The following ARAP2 variants were observed in gnomAD, a reference collection of about 807,000 sequenced individuals.
ARAP2 encodes arf-GAP with Rho-GAP domain, ANK repeat and PH domain-containing protein 2.
In ARAP2, 148 loss-of-function variants were observed where a neutral mutation model predicts 194.5. That is an observed-to-expected ratio of 0.76 (90% CI 0.67 to 0.87). The LOEUF (loss-of-function observed/expected upper bound fraction) is 0.87, where lower values mean the gene tolerates loss of function less well. Among genes scored for constraint, ARAP2 ranks in the 40% least tolerant of loss-of-function variants. ARAP2 has a pLI of 0.00. For synonymous variants in ARAP2, 695 were observed against 683.5 expected (o/e 1.02, Z -0.26); for missense variants, 2,128 against 1,989.7 (o/e 1.07, Z -1.32).
At chr4:36,032,735 T>C (rs888432923) in intron 5 of ARAP2, among the ~76,000 whole-genome samples, 6 of 152,158 alleles carry the variant, frequency 3.9e-5, no homozygotes, top group African/African-American at 1.4e-4. Context: ...GGTAAACTCC[T>C]GACACAAGGG....
rs1384155506 is a variant in ARAP2, at chr4:36,128,475, T to TACACAC, written c.3640+57_3640+58insGTGTGT. On this transcript the variant is annotated intron_variant, in intron 21 of 32. Coordinates refer to ENST00000303965, the MANE Select transcript of ARAP2 (RefSeq NM_015230.4). ...GGCAAGCATGTATTATGGTCTATAT[T>TACACAC]ATACACACACACACACACACACACA... 60 of 256,392 alleles carry TACACAC rather than the reference T, an allele frequency of 2.3e-4. No homozygotes were observed. In the Admixed American group the frequency reaches 4.1e-3, roughly 18 times the overall value. The allele number at this position is 256,392 out of a possible 1,614,324, so 15.9% of individuals were successfully genotyped here.
chr4:36,020,689 C>A (rs1716774692), intron 5 of ARAP2, among the ~76,000 whole-genome samples: 1 of 152,162 alleles, frequency 6.6e-6, no homozygotes, highest in South Asian at 2.1e-4. Flanking sequence ...ACTGAAACCA[C>A]AGAAAGTGAA....
rs749286375 is a variant in ARAP2 at position 36,068,116 on chromosome 4, G to C, written c.4906C>G (p.Leu1636Val). The C allele has an allele frequency of 2.5e-6, 4 of 1,614,088 alleles. No individual in the cohort carries two copies. The South Asian group carries it at 3.3e-5, about 13-fold the overall frequency. The change falls in exon 33 of 33, where the codon CTG becomes GTG. Residue 1636 changes from leucine (L) to valine (V), a missense_variant. Physicochemically the swap from Leu to Val is conservative, Grantham distance 32. Coordinates refer to ENST00000303965, the MANE Select transcript of ARAP2 (RefSeq NM_015230.4). ...RPRKHRSFNC[L>V]EDTEPEAPLG... The stretch of plus-strand genomic sequence containing the variant: ...GGGGCTTCAGGCTCTGTGTCCTCCA[G>C]GCAGTTGAAACTCCGATGTTTTCGG...
At chr4:36,053,323 A>T (rs181169989) in intron 2 of ARAP2, among the ~76,000 whole-genome samples, 491 of 149,324 alleles carry the variant, frequency 3.3e-3, no homozygotes, top group Admixed American at 7.1e-3. Context: ...GTTTTTTATA[A>T]AAAAAAAAAA....
chr4:36,068,200 T>C lies in ARAP2; in HGVS notation c.4822A>G (p.Arg1608Gly), dbSNP rs755940564. 3.1e-6 allele frequency: 5 copies of C among 1,613,642 alleles called. No individual in the cohort carries two copies. The East Asian group carries it at 6.7e-5, about 22-fold the overall frequency. ...KESVDSSLKE[R>G]ASMVAHCLEH... is the part of the protein sequence containing the mutation. ...AGGCAGTGGGCCACCATGGAAGCTCTCTCCTTTAAGCTAGAGTCCACGGAC... is the reference window on the plus strand; with the variant it reads ...AGGCAGTGGGCCACCATGGAAGCTCCCTCCTTTAAGCTAGAGTCCACGGAC... The change falls in exon 33 of 33, where the codon AGA becomes GGA. Residue 1608 changes from arginine to glycine, a missense_variant. Coordinates refer to ENST00000303965, the MANE Select transcript of ARAP2 (RefSeq NM_015230.4).
intron 11 of ARAP2, among the ~76,000 whole-genome samples, chr4:36,163,809 C>T (rs1391178997): frequency 6.6e-6 from 1 of 152,184 alleles, no homozygotes. Flanking sequence ...AAGGCCGTCT[C>T]TTCCAATGAA....
chr4:36,196,153 G>A (rs1021177695), intron 6 of ARAP2, among the ~76,000 whole-genome samples: 1 of 152,118 alleles, frequency 6.6e-6, no homozygotes, highest in Admixed American at 6.5e-5. Context: ...AGTATAAAAG[G>A]TTTACAACCT....
chr4:36,222,725 T>TA (rs1296228384), intron 2 of ARAP2, among the ~76,000 whole-genome samples: 1 of 136,458 alleles, frequency 7.3e-6, no homozygotes, highest in African/African-American at 3.5e-5. Context: ...TATGGCAAGA[T>TA]TTTTTTTTTA....
intron 7 of ARAP2, among the ~76,000 whole-genome samples, chr4:36,190,960 T>C (rs537807217): frequency 4.0e-4 from 61 of 152,182 alleles, no homozygotes; most frequent in Non-Finnish European, 7.9e-4. Context: ...GACCAATAAG[T>C]GCTCTAGAAA....
At position 36,229,189 on chromosome 4, in the gene ARAP2, G is replaced by C; in HGVS notation, c.298C>G (p.Gln100Glu). 6.2e-7 allele frequency: 1 copy of C among 1,614,114 alleles called. No individual in the cohort carries two copies. Among genetic ancestry groups the C allele is most frequent in the East Asian group, 2.2e-5 (1 of 44,888 alleles). ...TTGGAAAGTTCTATGCAGATATTCTGATCAGAAGATGGAACATGGTAATCC... is the reference window on the plus strand; with the variant it reads ...TTGGAAAGTTCTATGCAGATATTCTCATCAGAAGATGGAACATGGTAATCC... ...SKDYHVPSSD[Q>E]NICIELSNSG... Residue 100 changes from glutamine to glutamate, a missense_variant, in exon 2 of 33, where the codon CAG (glutamine) becomes GAG (glutamate). Physicochemically the swap from Gln to Glu is conservative, Grantham distance 29. Coordinates refer to ENST00000303965, the MANE Select transcript of ARAP2 (RefSeq NM_015230.4).
chr4:36,226,280 AC>A (rs1259363142), intron 2 of ARAP2, among the ~76,000 whole-genome samples: 1 of 152,198 alleles, frequency 6.6e-6, no homozygotes, highest in Non-Finnish European at 1.5e-5. Context: ...AAAGCTTACA[AC>A]AGAAGGAGTT....
intron 5 of ARAP2, among the ~76,000 whole-genome samples, chr4:36,045,119 GA>G (rs1424498576): frequency 6.6e-6 from 1 of 152,102 alleles, no homozygotes; most frequent in South Asian, 2.1e-4. Context: ...AGACATTGTG[GA>G]AAACAGTATG....
intron 31 of ARAP2, among the ~76,000 whole-genome samples, chr4:36,077,624 G>A (rs1728545893): frequency 6.6e-6 from 1 of 151,994 alleles, no homozygotes; most frequent in African/African-American, 2.4e-5. Flanking sequence ...TACCACCCTA[G>A]TCTGAGTTGA....
At chr4:36,120,096 C>T (rs1722330370) in intron 23 of ARAP2, among the ~76,000 whole-genome samples, 1 of 151,420 alleles carries the variant, frequency 6.6e-6, no homozygotes, top group Non-Finnish European at 1.5e-5. Flanking sequence ...TAAAGTTTAA[C>T]ATAACTATGA....
Position 36,177,942 on chromosome 4 carries a change from T to C in ARAP2, c.1742A>G (p.Gln581Arg). ...CTCAGGTGTAACAACAGCTTGAGAC[T>C]GCGAGGTAAGGGATTGTGATTTCAG... is the stretch of plus-strand genomic sequence containing the variant. ...NALKSQSLTS[Q>R]SQAVVTPEKC... is the part of the protein sequence containing the mutation. Residue 581 changes from glutamine to arginine, a missense_variant, in exon 9 of 33, where the codon CAG becomes CGG. By Grantham distance (43) the Gln-to-Arg change is conservative. Coordinates refer to ENST00000303965, the MANE Select transcript of ARAP2 (RefSeq NM_015230.4). The C allele has an allele frequency of 2.5e-6, 4 of 1,613,612 alleles. No individual in the cohort carries two copies. The highest frequency in any genetic ancestry group is 1.1e-5 in the South Asian group (1 of 91,016).
chr4:36,168,213 T>C (rs540240992), intron 9 of ARAP2, among the ~76,000 whole-genome samples: 1 of 152,190 alleles, frequency 6.6e-6, no homozygotes, highest in African/African-American at 2.4e-5. Context: ...CCTGGTAGAA[T>C]GGAAGAGGAG....
intron 8 of ARAP2, among the ~76,000 whole-genome samples, chr4:36,182,863 T>C (rs1440109244): frequency 3.3e-5 from 5 of 152,192 alleles, no homozygotes; most frequent in Admixed American, 2.0e-4. Flanking sequence ...GGAATTTTGA[T>C]ATGCCAAGTG....
downstream of ARAP2, among the ~76,000 whole-genome samples, chr4:36,061,222 ACT>A (rs761541396): frequency 4.7e-4 from 72 of 151,964 alleles, no homozygotes; most frequent in Non-Finnish European, 7.9e-4. Context: ...ATCCAGTTAT[ACT>A]CTTTTAGTTA....
chr4:36,101,098 G>A (rs188029583), intron 27 of ARAP2, among the ~76,000 whole-genome samples: 1 of 152,160 alleles, frequency 6.6e-6, no homozygotes, highest in East Asian at 1.9e-4. Context: ...TAAATAAACA[G>A]ATGATTGAAA....
Sources: allele counts gnomAD v4.1 joint callset (sites outside exome capture counted in the v4.1 genomes callset), GRCh38; gene constraint gnomAD v4.1.1; transcripts MANE v1.5; gene names NCBI Gene and HGNC (gene_info 2026-07-23, HGNC 2026-07-21).